CDC42BPG: variants seen among roughly 807,000 people sequenced by gnomAD.
CDC42BPG encodes CDC42 binding protein kinase gamma.
In CDC42BPG, 157 loss-of-function variants were observed where a neutral mutation model predicts 192.2. The observed-to-expected ratio is 0.82, with a 90% CI of 0.72 to 0.93. The LOEUF (loss-of-function observed/expected upper bound fraction) is 0.93, where lower values mean the gene tolerates loss of function less well. CDC42BPG is among the 40% of genes least tolerant of loss of function. The pLI is 0.00. For synonymous variants in CDC42BPG, 981 were observed against 918.5 expected (o/e 1.07, Z -1.23); for missense variants, 1,992 against 2,122.1 (o/e 0.94, Z 1.20).
chr11:64,834,568 A>G lies in CDC42BPG; in HGVS notation c.2185T>C (p.Trp729Arg). The G allele has an allele frequency of 6.4e-7, 1 of 1,567,598 alleles. No homozygotes were observed. The highest frequency in any genetic ancestry group is 8.7e-7 in the Non-Finnish European group (1 of 1,153,246). ...TLPARPLDHQ[W>R]KARRLQKMEA... is the part of the protein sequence containing the mutation. ...ATCTTCTGCAGTCGCCGCGCCTTCCACTGGTGGTCCTGGTGGCCACGGAGC... is the reference window on the plus strand; with the variant it reads ...ATCTTCTGCAGTCGCCGCGCCTTCCGCTGGTGGTCCTGGTGGCCACGGAGC... Residue 729 changes from tryptophan to arginine, a missense_variant, in exon 19 of 37, where the codon TGG becomes CGG. Trp to Arg is a moderately radical substitution (Grantham distance 101, BLOSUM62 -3). Transcript: ENST00000342711.
Position 64,836,306 on chromosome 11 carries a change from C to G in CDC42BPG, c.1489-10G>C. On this transcript the variant is annotated splice_polypyrimidine_tract_variant and intron_variant, in intron 12 of 36. Coordinates refer to ENST00000342711, the MANE Select transcript of CDC42BPG (RefSeq NM_017525.3). Reference sequence around the variant, plus strand: ...GACCCTCGGCCAGCTCCTGAGGAGGCAGGGGAGGGAGCGGGGAAGGACAAG... The same window carrying G: ...GACCCTCGGCCAGCTCCTGAGGAGGGAGGGGAGGGAGCGGGGAAGGACAAG... The G allele has an allele frequency of 6.2e-7, 1 of 1,607,844 alleles. No individual in the cohort carries two copies. Among genetic ancestry groups the G allele is most frequent in the Non-Finnish European group, 8.5e-7 (1 of 1,177,934 alleles).
At position 64,823,093 on chromosome 11, in the gene CDC42BPG, T is replaced by TC. The variant is rs1285073518; in HGVS notation, c.*1379_*1380insG. Among the ~76,000 whole-genome samples, 10 of 149,932 alleles carry TC rather than the reference T, an allele frequency of 6.7e-5. No homozygotes were observed. The highest frequency in any genetic ancestry group is 2.1e-4 in the South Asian group (1 of 4,766). ...TTATTGGTTTCCTTTTCTTTTCTTT[T>TC]TTTTTTTTTTTGAGACGGAGTCTCA... On this transcript the variant is annotated 3_prime_UTR_variant, in exon 37 of 37. Transcript: ENST00000342711.
chr11:64,827,675 C>G lies in CDC42BPG; in HGVS notation c.4065+11G>C, dbSNP rs368155689. On this transcript the variant is annotated intron_variant, in intron 31 of 36. Coordinates refer to ENST00000342711, the MANE Select transcript of CDC42BPG (RefSeq NM_017525.3). ...CCCCGGCGCTACCCCAGGGCTCTGG[C>G]GGACCCTCACCTTCTTGAGCGGCAC... 135 of 1,607,864 alleles carry G rather than the reference C, an allele frequency of 8.4e-5. No homozygotes were observed. Among genetic ancestry groups the G allele is most frequent in the Non-Finnish European group, 1.1e-4 (129 of 1,175,930 alleles).
intron 3 of CDC42BPG, 81 bp downstream of exon 3, chr11:64,841,569 C>T (rs1458802760): frequency 3.6e-5 from 43 of 1,200,230 alleles, no homozygotes; most frequent in Middle Eastern, 5.5e-4. Flanking sequence ...CCGCCCCCCC[C>T]GCGCCATAGG....
In CDC42BPG at chr11:64,836,754, G is replaced by A. The variant is rs556080474; in HGVS notation, c.1369C>T (p.Arg457Trp). The A allele has an allele frequency of 4.0e-5, 55 of 1,387,170 alleles. No individual in the cohort carries two copies. Among genetic ancestry groups the A allele is most frequent in the Middle Eastern group, 4.9e-4 (2 of 4,120 alleles). 85.9% of individuals were successfully genotyped at this position (1,387,170 alleles called of 1,614,324 possible). ...EQLRKEVQTLRDRLPEMLRDK... is the reference protein window; with the variant it reads ...EQLRKEVQTLWDRLPEMLRDK... ...GAAGGGATACCTGGCAGCCTGTCCC[G>A]CAGAGTCTGCACTTCCTTCCGTAGC... The change falls in exon 11 of 37, where the codon CGG becomes TGG. Residue 457 changes from arginine (R) to tryptophan (W), a missense_variant. This residue lies in a region of CDC42BPG where 1,656 missense variants were observed against 1,844.3 expected (regional missense o/e 0.90). Coordinates refer to ENST00000342711, the MANE Select transcript of CDC42BPG (RefSeq NM_017525.3).
Position 64,826,725 on chromosome 11 carries a change from A to G in CDC42BPG, c.4459T>C (p.Leu1487=). The G allele has an allele frequency of 6.5e-7, 1 of 1,549,552 alleles. No individual in the cohort carries two copies. The highest frequency in any genetic ancestry group is 8.7e-7 in the Non-Finnish European group (1 of 1,148,502). The change falls in exon 35 of 37, where the codon TTG becomes CTG. Residue 1487 remains leucine (L), a synonymous_variant. Coordinates refer to ENST00000342711, the MANE Select transcript of CDC42BPG (RefSeq NM_017525.3). The part of the protein sequence containing the change: ...PQRPHSFSEA[L]RRPASMGSEG... ...CTGCCCATGGAGGCTGGGCGCCGCA[A>G]CGCCTCGGAGAAGCTGTGGGGCCGC...
intron 3 of CDC42BPG, 65 bp from the exon 4 acceptor site, chr11:64,840,713 G>T: frequency 2.1e-6 from 3 of 1,395,818 alleles, no homozygotes; most frequent in Non-Finnish European, 3.0e-6. Flanking sequence ...CCCCTTGCCA[G>T]CTCAGGGGAT....
intron 36 of CDC42BPG, among the ~76,000 whole-genome samples, chr11:64,825,209 GC>G (rs1469327511): frequency 6.6e-6 from 1 of 152,130 alleles, no homozygotes; most frequent in Non-Finnish European, 1.5e-5. Flanking sequence ...GAGCCACAGC[GC>G]CCAGCCTCAA....
rs762447252 is a variant in CDC42BPG, at chr11:64,835,785, G to A, written c.1735C>T (p.Leu579Phe). ...ACCTTGGCCTGGGACGACTCCTCAA[G>A]GCGTTGCTCCCACTGTCCCTGCAGC... ...TQLQGQWEQR[L>F]EESSQAKTIH... is the part of the protein sequence containing the mutation. Residue 579 changes from leucine to phenylalanine, a missense_variant, in exon 14 of 37, where the codon CTT (leucine) becomes TTT (phenylalanine). By Grantham distance (22) the Leu-to-Phe change is conservative (BLOSUM62 0). This residue lies in a region of CDC42BPG where 1,656 missense variants were observed against 1,844.3 expected (regional missense o/e 0.90). Transcript: ENST00000342711. 6.2e-7 allele frequency: 1 copy of A among 1,613,478 alleles called. No homozygotes were observed. The highest frequency in any genetic ancestry group is 1.1e-5 in the South Asian group (1 of 91,078).
intron 9 of CDC42BPG, 106 bp from the exon 10 acceptor site, chr11:64,837,125 G>A (rs948960686): frequency 3.3e-5 from 33 of 999,954 alleles, no homozygotes; most frequent in Middle Eastern, 4.8e-4. Context: ...AGCCAAAACA[G>A]ACCCTGCCCT....
intron 1 of CDC42BPG, among the ~76,000 whole-genome samples, chr11:64,842,857 G>T (rs1943340094): frequency 6.6e-6 from 1 of 152,182 alleles, no homozygotes; most frequent in South Asian, 2.1e-4. Context: ...CCCCTGCCAG[G>T]AGGTAAACTC....
chr11:64,835,894 G>A (rs1409504267), intron 13 of CDC42BPG, 43 bp from the exon 14 acceptor site: 9 of 1,547,958 alleles, frequency 5.8e-6, no homozygotes, highest in Non-Finnish European at 7.9e-6. Context: ...CTCTGCCCTC[G>A]GCAGCCCCTC....
chr11:64,844,318 G>A (rs1213710627), intron 1 of CDC42BPG, 92 bp downstream of exon 1: 3 of 1,202,124 alleles, frequency 2.5e-6, no homozygotes, highest in Non-Finnish European at 2.1e-6. Context: ...AGCCCGTGGG[G>A]GTGCGGGTCC....
intron 20 of CDC42BPG, 110 bp from the exon 21 acceptor site, chr11:64,834,087 G>A (rs1942849978): frequency 6.7e-7 from 1 of 1,500,058 alleles, no homozygotes; most frequent in East Asian, 2.3e-5. Context: ...CACAGGGTGG[G>A]GCAGGGCTGG....
Position 64,827,045 on chromosome 11 carries a change from C to A in CDC42BPG, c.4389+5G>T. 6.3e-7 allele frequency: 1 copy of A among 1,590,628 alleles called. No individual in the cohort carries two copies. Among genetic ancestry groups the A allele is most frequent in the Non-Finnish European group, 8.6e-7 (1 of 1,160,030 alleles). On this transcript the variant is annotated splice_donor_5th_base_variant and intron_variant, in intron 34 of 36. Transcript: ENST00000342711. The stretch of plus-strand genomic sequence containing the variant: ...GTGGCTTGTGATTGGCTCCAGAGGA[C>A]TAACCGGGGACTTGTCCCTGGCGCC...
intron 10 of CDC42BPG, 30 bp downstream of exon 10, chr11:64,836,892 A>C (rs761698026): frequency 4.4e-6 from 7 of 1,608,590 alleles, no homozygotes; most frequent in Non-Finnish European, 6.0e-6. Context: ...GGGCCAGCAC[A>C]CCCAGGCCCG....
chr11:64,833,362 A>G, intron 23 of CDC42BPG, 26 bp from the exon 24 acceptor site: 1 of 1,277,120 alleles, frequency 7.8e-7, no homozygotes, highest in African/African-American at 1.5e-5. Flanking sequence ...GCCATTACCC[A>G]AGGCCTCCCA....
chr11:64,836,726 G>GGGGGGGGGA lies in CDC42BPG; in HGVS notation c.1384+12_1384+13insTCCCCCCCC. The GGGGGGGGGA allele has an allele frequency of 1.1e-6, 1 of 889,336 alleles. No homozygotes were observed. 55.1% of individuals were successfully genotyped at this position (889,336 alleles called of 1,614,324 possible). A position where few individuals can be genotyped will look rare whatever the true frequency, so the allele number is the denominator to read the frequency against. On this transcript the variant is annotated intron_variant, in intron 11 of 36. Transcript: ENST00000342711. The stretch of plus-strand genomic sequence containing the variant: ...AGCCCTGGGGGGGGGGGGGGGGTGG[G>GGGGGGGGGA]CGGAAGGGATACCTGGCAGCCTGTC...
chr11:64,830,167 C>G, intron 29 of CDC42BPG, 27 bp downstream of exon 29: 1 of 1,613,404 alleles, frequency 6.2e-7, no homozygotes, highest in South Asian at 1.1e-5. Context: ...CTGCCCACGC[C>G]CACCCTAGCC....
Sources: gnomAD v4.1 joint callset for allele counts (sites outside exome capture counted in the v4.1 genomes callset) on GRCh38, gnomAD v4.1.1 for gene constraint, gnomAD v4.1.1 regional missense constraint, MANE v1.5 for transcripts, NCBI Gene and HGNC (gene_info 2026-07-23, HGNC 2026-07-21) for gene names.